The following ADAMTS17 variants were observed in gnomAD, a reference collection of about 807,000 sequenced individuals.
ADAMTS17 encodes A disintegrin and metalloproteinase with thrombospondin motifs 17.
In ADAMTS17, 113 loss-of-function variants were observed where a neutral mutation model predicts 141.5. That is an observed-to-expected ratio of 0.80 (90% CI 0.69 to 0.93). The LOEUF (loss-of-function observed/expected upper bound fraction) is 0.93. Ranked by LOEUF, ADAMTS17 falls within the 40% of genes least tolerant of loss-of-function variation. The probability of loss-of-function intolerance (pLI) is 0.00; values close to 1 mark genes in which losing one functional copy is unlikely to be tolerated. For missense variants in ADAMTS17, 1,659 were observed against 1,517.9 expected, an observed-to-expected ratio of 1.09 and a Z score of -1.54; for synonymous variants, 768 against 630.6, an observed-to-expected ratio of 1.22 and a Z score of -3.27.
chr15:100,152,967 C>T (rs879688598), intron 9 of ADAMTS17, among the ~76,000 whole-genome samples: 5 of 151,230 alleles, frequency 3.3e-5, no homozygotes, highest in African/African-American at 1.2e-4. Flanking sequence ...TGTGAATCTT[C>T]GCTCTGAAGG....
chr15:100,273,149 T>C (rs938061366), intron 4 of ADAMTS17, among the ~76,000 whole-genome samples: 1 of 152,158 alleles, frequency 6.6e-6, no homozygotes, highest in Non-Finnish European at 1.5e-5. Flanking sequence ...TGTTTTCTTA[T>C]TTATAAGGGA....
chr15:100,129,134 TATG>T (rs1393290522), intron 12 of ADAMTS17: 1 of 152,248 alleles, frequency 6.6e-6, no homozygotes, highest in Non-Finnish European at 1.5e-5. Flanking sequence ...ATCCTCCTGC[TATG>T]ATGTTTACTG....
At chr15:100,327,549 G>A (rs780303207) in intron 3 of ADAMTS17, among the ~76,000 whole-genome samples, 1 of 152,136 alleles carries the variant, frequency 6.6e-6, no homozygotes, top group Non-Finnish European at 1.5e-5. Flanking sequence ...ATACACCATG[G>A]GGGAGGAGAG....
chr15:100,341,297 G>A lies in ADAMTS17; in HGVS notation c.192C>T (p.Arg64=), dbSNP rs1016586925. Residue 64 remains arginine (R), a synonymous_variant, in exon 2 of 22, where the codon CGC becomes CGT. Transcript: ENST00000268070. ...GCGGGGCGGCTGGGGGCGTGCGGGG[G>A]CGTCGCCGCCGTCGGGGCCCGGGGG... ...PAAPGPRRRR[R]PRTPPAAPRA... 25 of 1,104,584 alleles carry A rather than the reference G, an allele frequency of 2.3e-5. No homozygotes were observed. Among genetic ancestry groups the A allele is most frequent in the Non-Finnish European group, 2.6e-5 (24 of 909,996 alleles). 68.4% of individuals were successfully genotyped at this position (1,104,584 alleles called of 1,614,324 possible). A position where few individuals can be genotyped will look rare whatever the true frequency, so the allele number is the denominator to read the frequency against.
At chr15:100,211,633 T>C (rs2041813050) in intron 7 of ADAMTS17, among the ~76,000 whole-genome samples, 1 of 152,072 alleles carries the variant, frequency 6.6e-6, no homozygotes. Flanking sequence ...TCTAGCTAAA[T>C]CCATACTGAA....
At chr15:100,168,606 A>T (rs886459083) in intron 8 of ADAMTS17, 33 of 152,376 alleles carry the variant, frequency 2.2e-4, no homozygotes, top group African/African-American at 7.0e-4. Flanking sequence ...CTTGCTGCTA[A>T]CAGTGCGTAG....
rs1055023086 is a variant in ADAMTS17, at chr15:100,284,848, G to A, written c.617-3447C>T. Among the ~76,000 whole-genome samples the A allele has an allele frequency of 3.9e-5, 6 of 152,222 alleles. No individual in the cohort carries two copies. In the South Asian group the frequency reaches 8.3e-4, roughly 21 times the overall value. ...ACACTAATTTCAGAATAACACATGT[G>A]CTGGATTCTGACCTCACCAGAGAGG... On this transcript the variant is annotated intron_variant, in intron 3 of 21. Coordinates refer to ENST00000268070, the MANE Select transcript of ADAMTS17 (RefSeq NM_139057.4).
intron 8 of ADAMTS17, among the ~76,000 whole-genome samples, chr15:100,164,511 C>T (rs116471832): frequency 3.5e-4 from 53 of 152,266 alleles, no homozygotes; most frequent in African/African-American, 9.6e-4. Context: ...GGGTCACATG[C>T]GAAAACAGCC....
intron 4 of ADAMTS17, among the ~76,000 whole-genome samples, chr15:100,267,237 C>T (rs559753294): frequency 6.6e-6 from 1 of 152,078 alleles, no homozygotes; most frequent in Admixed American, 6.5e-5. Context: ...AGTCATTTAG[C>T]ACTTGTGTTT....
intron 12 of ADAMTS17, among the ~76,000 whole-genome samples, chr15:100,123,112 A>G (rs2141185492): frequency 6.6e-6 from 1 of 152,284 alleles, no homozygotes; most frequent in South Asian, 2.1e-4. Flanking sequence ...GGCTGGGTGG[A>G]TGAAGCCTGA....
chr15:100,297,930 G>C (rs1319336715), intron 3 of ADAMTS17, among the ~76,000 whole-genome samples: 1 of 152,114 alleles, frequency 6.6e-6, no homozygotes, highest in East Asian at 1.9e-4. Context: ...AAGAACCAGG[G>C]AAAGTGAAGT....
intron 7 of ADAMTS17, among the ~76,000 whole-genome samples, chr15:100,222,070 T>C (rs1160911602): frequency 6.6e-6 from 1 of 152,194 alleles, no homozygotes; most frequent in Non-Finnish European, 1.5e-5. Context: ...TTAAGAGTGC[T>C]TTCATGGCAG....
At chr15:100,152,566 C>G in intron 10 of ADAMTS17, 46 bp downstream of exon 10, 1 of 1,607,302 alleles carries the variant, frequency 6.2e-7, no homozygotes. Context: ...TGTGGGAGGG[C>G]TGGATCCATG....
intron 8 of ADAMTS17, among the ~76,000 whole-genome samples, chr15:100,187,252 T>C (rs1293581528): frequency 6.6e-6 from 1 of 152,178 alleles, no homozygotes; most frequent in African/African-American, 2.4e-5. Flanking sequence ...TGTGTTCAAA[T>C]GGGGGCATCT....
intron 18 of ADAMTS17, among the ~76,000 whole-genome samples, chr15:100,036,120 G>A (rs1207630215): frequency 3.3e-5 from 5 of 152,246 alleles, no homozygotes; most frequent in Admixed American, 2.0e-4. Flanking sequence ...GGGAGAAGCA[G>A]TAGGGCTTCT....
At chr15:99,999,784 G>A (rs1258177989) in intron 18 of ADAMTS17, among the ~76,000 whole-genome samples, 5 of 152,114 alleles carry the variant, frequency 3.3e-5, no homozygotes, top group Admixed American at 1.3e-4. Context: ...CAGTGACGAC[G>A]GCACTGGTCT....
At chr15:100,017,314 C>G (rs1322160033) in intron 18 of ADAMTS17, among the ~76,000 whole-genome samples, 1 of 152,204 alleles carries the variant, frequency 6.6e-6, no homozygotes, top group Non-Finnish European at 1.5e-5. Flanking sequence ...AAGAAAAGGG[C>G]TTGTTTCTGC....
chr15:100,242,388 T>C (rs1347247214), intron 7 of ADAMTS17, among the ~76,000 whole-genome samples: 1 of 152,244 alleles, frequency 6.6e-6, no homozygotes, highest in Non-Finnish European at 1.5e-5. Flanking sequence ...AGTGCCCACA[T>C]GGTCCAATCT....
intron 15 of ADAMTS17, among the ~76,000 whole-genome samples, chr15:100,063,356 C>A (rs79139347): frequency 2.4e-3 from 364 of 152,358 alleles, no homozygotes; most frequent in African/African-American, 8.5e-3. Context: ...CTGCTCTCAG[C>A]TCTCCTGGGG....
Sources: gnomAD v4.1 joint callset for allele counts (sites outside exome capture counted in the v4.1 genomes callset) on GRCh38, gnomAD v4.1.1 for gene constraint, MANE v1.5 for transcripts, NCBI Gene and HGNC (gene_info 2026-07-23, HGNC 2026-07-21) for gene names.